The following ATP1B3 variants were observed in gnomAD, a reference collection of about 807,000 sequenced individuals.
The protein encoded by ATP1B3 is sodium/potassium-transporting ATPase subunit beta-3.
ATP1B3 carries 10 observed loss-of-function variants against 30.2 expected under a neutral mutation model. That is an observed-to-expected ratio of 0.33 (90% CI 0.20 to 0.56). The LOEUF is 0.56. Among genes scored for constraint, ATP1B3 ranks in the 20% least tolerant of loss-of-function variants. The pLI, the probability that ATP1B3 is intolerant of heterozygous loss-of-function variation, is 0.90. For missense variants in ATP1B3, 238 were observed against 336.7 expected (o/e 0.71, Z 2.29); for synonymous variants, 113 against 117.0 (o/e 0.97, Z 0.22).
At chr3:141,882,045 G>T (rs542330067) in intron 1 of ATP1B3, among the ~76,000 whole-genome samples, 7 of 151,696 alleles carry the variant, frequency 4.6e-5, no homozygotes, top group African/African-American at 1.7e-4. Flanking sequence ...CACCCCTGAT[G>T]TAATTCGATT....
At chr3:141,923,106 C>T (rs528820399) in intron 6 of ATP1B3, among the ~76,000 whole-genome samples, 10 of 152,188 alleles carry the variant, frequency 6.6e-5, no homozygotes, top group South Asian at 2.1e-4. Flanking sequence ...AGTGAAACCC[C>T]GTCTCTGCTG....
chr3:141,902,846 A>ATT (rs1480256114), intron 1 of ATP1B3: 1 of 152,302 alleles, frequency 6.6e-6, no homozygotes, highest in Non-Finnish European at 1.5e-5. Flanking sequence ...TGCTGTCTTC[A>ATT]TAAGTTGGCC....
intron 1 of ATP1B3, among the ~76,000 whole-genome samples, chr3:141,894,014 G>A (rs1320541772): frequency 6.6e-6 from 1 of 152,184 alleles, no homozygotes; most frequent in East Asian, 1.9e-4. Flanking sequence ...TGTACAACAT[G>A]TTACTGGATG....
intron 1 of ATP1B3, among the ~76,000 whole-genome samples, chr3:141,899,741 T>TA (rs1384595310): frequency 1.3e-5 from 2 of 152,112 alleles, no homozygotes; most frequent in African/African-American, 2.4e-5. Flanking sequence ...TGGTGACACA[T>TA]GCCTGTAATC....
chr3:141,902,312 G>T lies in ATP1B3; in HGVS notation c.110-1308G>T, dbSNP rs958304631. On this transcript the variant is annotated intron_variant, in intron 1 of 6. Transcript: ENST00000286371. The stretch of plus-strand genomic sequence containing the variant: ...ATTTCCCCTTTACTTGAAAAAGGGG[G>T]TTGGGGGTGATTCCTGCCTTGCAGT... 314 of 996,378 alleles carry T rather than the reference G, an allele frequency of 3.2e-4. 1 individual carries two copies. Among genetic ancestry groups the T allele is most frequent in the Non-Finnish European group, 4.2e-4 (303 of 721,892 alleles). 61.7% of individuals were successfully genotyped at this position (996,378 alleles called of 1,614,324 possible).
chr3:141,900,736 A>G (rs2107771314), intron 1 of ATP1B3, among the ~76,000 whole-genome samples: 1 of 152,178 alleles, frequency 6.6e-6, no homozygotes, highest in South Asian at 2.1e-4. Context: ...CCTGGATGAC[A>G]TGGTGGTTCC....
intron 1 of ATP1B3, among the ~76,000 whole-genome samples, chr3:141,877,816 G>C (rs919527738): frequency 6.9e-6 from 1 of 144,088 alleles, no homozygotes; most frequent in Non-Finnish European, 1.5e-5. Flanking sequence ...ATCAATCTCT[G>C]AATGCAGGCT....
intron 1 of ATP1B3, among the ~76,000 whole-genome samples, chr3:141,882,503 C>T (rs749261525): frequency 6.6e-6 from 1 of 152,122 alleles, no homozygotes; most frequent in Admixed American, 6.6e-5. Context: ...TACATACTTC[C>T]TGTTGAATTT....
chr3:141,896,069 G>T (rs1934059253), intron 1 of ATP1B3, among the ~76,000 whole-genome samples: 1 of 152,098 alleles, frequency 6.6e-6, no homozygotes, highest in Non-Finnish European at 1.5e-5. Flanking sequence ...AATGTGTCTT[G>T]GACTGGGTGC....
chr3:141,913,057 G>A (rs1934393231), intron 3 of ATP1B3, among the ~76,000 whole-genome samples: 1 of 151,986 alleles, frequency 6.6e-6, no homozygotes, highest in South Asian at 2.1e-4. Flanking sequence ...TTGATGTTTG[G>A]CAAAACACCC....
intron 3 of ATP1B3, among the ~76,000 whole-genome samples, chr3:141,907,820 A>T (rs1934289458): frequency 6.6e-6 from 1 of 152,040 alleles, no homozygotes; most frequent in Admixed American, 6.6e-5. Flanking sequence ...AGTAGATTTG[A>T]TTTTTCTGTC....
rs935513708 is a variant in ATP1B3 at position 141,876,861 on chromosome 3, C to T, written c.60C>T (p.Ile20=). The part of the protein sequence containing the change: ...NQSLAEWKLF[I]YNPTTGEFLG... ...GCCTGGCCGAGTGGAAGCTCTTCAT[C>T]TACAACCCGACCACCGGAGAATTCC... Residue 20 remains isoleucine, a synonymous_variant, in exon 1 of 7, where the codon ATC becomes ATT. Transcript: ENST00000286371. 9 of 1,584,034 alleles carry T rather than the reference C, an allele frequency of 5.7e-6. No individual in the cohort carries two copies. Among genetic ancestry groups the T allele is most frequent in the South Asian group, 1.1e-5 (1 of 89,068 alleles).
In ATP1B3 at chr3:141,913,840, C is replaced by T. The variant is rs1268983093; in HGVS notation, c.531+4C>T. 5.0e-6 allele frequency: 8 copies of T among 1,596,442 alleles called. No individual in the cohort carries two copies. The highest frequency in any genetic ancestry group is 1.1e-5 in the South Asian group (1 of 87,210). On this transcript the variant is annotated splice_donor_region_variant and intron_variant, in intron 4 of 6. Transcript: ENST00000286371. The stretch of plus-strand genomic sequence containing the variant: ...TATTCTTGTGAAAATGAACAGAGTA[C>T]GTACATATTTTACCTCTGCTGCTGC...
chr3:141,883,325 T>TA (rs1262882876), intron 1 of ATP1B3, among the ~76,000 whole-genome samples: 1 of 152,132 alleles, frequency 6.6e-6, no homozygotes, highest in Non-Finnish European at 1.5e-5. Context: ...CTGTCACTAC[T>TA]AAAAATACAA....
intron 2 of ATP1B3, among the ~76,000 whole-genome samples, chr3:141,905,253 G>A (rs372052394): frequency 1.3e-5 from 2 of 152,164 alleles, no homozygotes; most frequent in East Asian, 1.9e-4. Flanking sequence ...AGGAAGGTGG[G>A]AGTCTAGCAG....
chr3:141,905,664 G>A (rs1042877360), intron 2 of ATP1B3, among the ~76,000 whole-genome samples: 3 of 152,110 alleles, frequency 2.0e-5, no homozygotes, highest in African/African-American at 7.2e-5. Flanking sequence ...TTAGTTCCAT[G>A]CTACTTTTCC....
chr3:141,922,526 G>T (rs141851402), intron 6 of ATP1B3, among the ~76,000 whole-genome samples: 13,353 of 151,506 alleles, frequency 0.088, 722 homozygotes, highest in East Asian at 0.16. Flanking sequence ...GGTGACATGT[G>T]CCTGTAGTCC....
intron 6 of ATP1B3, among the ~76,000 whole-genome samples, chr3:141,924,447 TG>T (rs1318594718): frequency 1.3e-5 from 2 of 151,512 alleles, no homozygotes; most frequent in African/African-American, 4.9e-5. Flanking sequence ...GAGACCAGCC[TG>T]GCCAACTTCA....
chr3:141,912,598 G>A (rs1444891013), intron 3 of ATP1B3, among the ~76,000 whole-genome samples: 1 of 151,996 alleles, frequency 6.6e-6, no homozygotes, highest in Non-Finnish European at 1.5e-5. Flanking sequence ...CCTTTTTCTG[G>A]TACCAATTGC....
Sources: allele counts gnomAD v4.1 joint callset (sites outside exome capture counted in the v4.1 genomes callset), GRCh38; gene constraint gnomAD v4.1.1; transcripts MANE v1.5; gene names NCBI Gene and HGNC (gene_info 2026-07-23, HGNC 2026-07-21).